PHC2: variants seen among roughly 807,000 people sequenced by gnomAD.
The protein encoded by PHC2 is polyhomeotic-like protein 2.
PHC2 carries 29 observed loss-of-function variants against 87.4 expected under a neutral mutation model. The observed-to-expected ratio is 0.33, with a 90% CI of 0.25 to 0.45. The LOEUF is 0.45. Among genes scored for constraint, PHC2 ranks in the 20% least tolerant of loss-of-function variants. PHC2 has a pLI of 1.00. For synonymous variants in PHC2, 438 were observed against 461.7 expected, an observed-to-expected ratio of 0.95 and a Z score of 0.66; for missense variants, 857 against 1,136.7, an observed-to-expected ratio of 0.75 and a Z score of 3.54.
At chr1:33,328,780 A>G (rs2148187228) in intron 14 of PHC2, 90 bp downstream of exon 14, 1 of 1,323,072 alleles carries the variant, frequency 7.6e-7, no homozygotes, top group African/African-American at 1.5e-5. Flanking sequence ...GTCATTAACT[A>G]AACTACCTAA....
At chr1:33,415,962 G>A (rs1419003681) in intron 1 of PHC2, among the ~76,000 whole-genome samples, 2 of 149,608 alleles carry the variant, frequency 1.3e-5, no homozygotes, top group African/African-American at 4.9e-5. Context: ...CCCAAAATGA[G>A]GCACAGAGAC....
chr1:33,387,910 C>CTAT (rs1467678458), intron 1 of PHC2, among the ~76,000 whole-genome samples: 4 of 152,230 alleles, frequency 2.6e-5, no homozygotes, highest in African/African-American at 9.7e-5. Context: ...TCAGGCCCTG[C>CTAT]CTGGTATCCC....
intron 1 of PHC2, among the ~76,000 whole-genome samples, chr1:33,395,989 T>C (rs1241150082): frequency 6.6e-6 from 1 of 152,222 alleles, no homozygotes; most frequent in East Asian, 1.9e-4. Context: ...GTAGGACACG[T>C]CATTTAACAT....
intron 1 of PHC2, among the ~76,000 whole-genome samples, chr1:33,385,467 C>T (rs369012642): frequency 1.3e-4 from 20 of 152,214 alleles, no homozygotes; most frequent in African/African-American, 3.9e-4. Flanking sequence ...AACCTTTCTG[C>T]GCCTCATTTG....
At chr1:33,325,976 G>A (rs1308037762) in intron 14 of PHC2, 3 of 442,736 alleles carry the variant, frequency 6.8e-6, no homozygotes, top group South Asian at 4.8e-5. Flanking sequence ...AGGAAAGTGA[G>A]GAAACTCTTA....
At chr1:33,343,585 A>G (rs1646789093) in intron 9 of PHC2, among the ~76,000 whole-genome samples, 1 of 152,166 alleles carries the variant, frequency 6.6e-6, no homozygotes, top group African/African-American at 2.4e-5. Flanking sequence ...TCTGTCTTAC[A>G]TATAGCTGTG....
chr1:33,397,957 G>T (rs1267259380), intron 1 of PHC2, among the ~76,000 whole-genome samples: 1 of 151,990 alleles, frequency 6.6e-6, no homozygotes, highest in Non-Finnish European at 1.5e-5. Flanking sequence ...GAATCTTTTG[G>T]ACTTTGTTCC....
At chr1:33,362,461 T>C (rs1024846485) in intron 7 of PHC2, among the ~76,000 whole-genome samples, 1 of 152,138 alleles carries the variant, frequency 6.6e-6, no homozygotes, top group African/African-American at 2.4e-5. Flanking sequence ...TGTCTATTTA[T>C]AGACAGCTGA....
At position 33,349,652 on chromosome 1, in the gene PHC2, G is replaced by C; in HGVS notation, c.1558+4749C>G. Reference sequence around the variant, plus strand: ...CGGGGCCTACGCAGCCCCTCGGCCGGGCGCCGACTCGCGCGGGGTCCCGGG... The same window carrying C: ...CGGGGCCTACGCAGCCCCTCGGCCGCGCGCCGACTCGCGCGGGGTCCCGGG... On this transcript the variant is annotated intron_variant, in intron 9 of 14. Coordinates refer to ENST00000683057, the MANE Select transcript of PHC2 (RefSeq NM_001385109.1). The surrounding 1 kb of genome is among the most constrained non-coding windows in gnomAD (Gnocchi z 4.2). 1 of 983,108 alleles carries C rather than the reference G, an allele frequency of 1.0e-6. No homozygotes were observed. Among genetic ancestry groups the C allele is most frequent in the Non-Finnish European group, 1.2e-6 (1 of 829,320 alleles). 60.9% of individuals were successfully genotyped at this position (983,108 alleles called of 1,614,324 possible). A position where few individuals can be genotyped will look rare whatever the true frequency, so the allele number is the denominator to read the frequency against.
chr1:33,427,176 C>G (rs1286722896), intron 1 of PHC2, among the ~76,000 whole-genome samples: 1 of 152,148 alleles, frequency 6.6e-6, no homozygotes, highest in African/African-American at 2.4e-5. Flanking sequence ...TGGTTATAAT[C>G]TGGTGCTGGG....
intron 1 of PHC2, among the ~76,000 whole-genome samples, 154 bp downstream of exon 1, chr1:33,430,822 C>T (rs1214032508): frequency 6.7e-6 from 1 of 150,182 alleles, no homozygotes; most frequent in Non-Finnish European, 1.5e-5. Context: ...ATGGCAATGC[C>T]CCGCCCCGCG....
At chr1:33,373,904 T>C (rs1648009888) in intron 2 of PHC2, among the ~76,000 whole-genome samples, 1 of 152,084 alleles carries the variant, frequency 6.6e-6, no homozygotes, top group Non-Finnish European at 1.5e-5. Context: ...AGCCTCTGGC[T>C]CAGATTTGGG....
At chr1:33,353,582 G>C (rs1406936740) in intron 9 of PHC2, 1 of 152,122 alleles carries the variant, frequency 6.6e-6, no homozygotes, top group African/African-American at 2.4e-5. Flanking sequence ...TTGTGCTAAG[G>C]TATTTTTTTC....
intron 1 of PHC2, among the ~76,000 whole-genome samples, chr1:33,399,208 A>G (rs559243885): frequency 6.6e-6 from 1 of 152,300 alleles, no homozygotes; most frequent in African/African-American, 2.4e-5. Flanking sequence ...TCTTTAAAGC[A>G]GAAAGAACAA....
chr1:33,332,309 G>A lies in PHC2; in HGVS notation c.1857C>T (p.Thr619=), dbSNP rs766895024. The change falls in exon 11 of 15, where the codon ACC becomes ACT. Residue 619 remains threonine, a synonymous_variant. Transcript: ENST00000683057. The surrounding 1 kb of genome is among the most constrained non-coding windows in gnomAD (Gnocchi z 4.2). ...EKLPQQDHTT[T]TDSEMEEPYL... ...AGGGCTCCTCCATCTCCGAGTCAGT[G>A]GTGGTGGTGTGATCCTGCTGTGGAA... The A allele has an allele frequency of 6.2e-7, 1 of 1,614,032 alleles. No homozygotes were observed. Among genetic ancestry groups the A allele is most frequent in the East Asian group, 2.2e-5 (1 of 44,882 alleles).
At chr1:33,356,503 C>G (rs1647089787) in intron 7 of PHC2, among the ~76,000 whole-genome samples, 8 of 149,846 alleles carry the variant, frequency 5.3e-5, no homozygotes, top group South Asian at 2.1e-4. Flanking sequence ...TCTTAACGAG[C>G]ATGCTGCCTT....
Position 33,334,091 on chromosome 1 carries a change from G to A in PHC2, c.1760C>T (p.Pro587Leu), listed in dbSNP as rs771315460. The change falls in exon 10 of 15, where the codon CCG (proline) becomes CTG (leucine). Residue 587 changes from proline to leucine, a missense_variant and splice_region_variant. Pro to Leu is a moderately conservative substitution (Grantham distance 98). Transcript: ENST00000683057. The surrounding 1 kb of genome is among the most constrained non-coding windows in gnomAD (Gnocchi z 5.5). ...FVIQEGAEPF[P>L]VGRSSLLVGN... The stretch of plus-strand genomic sequence containing the variant: ...AAGGGGAAAAGAAGTAGTCCGTACC[G>A]GGAAAGGCTCCGCCCCCTCCTGGAT... The A allele has an allele frequency of 5.0e-6, 8 of 1,600,856 alleles. No homozygotes were observed. The highest frequency in any genetic ancestry group is 2.7e-5 in the African/African-American group (2 of 73,792).
chr1:33,409,281 C>A (rs1252545114), intron 1 of PHC2, among the ~76,000 whole-genome samples: 1 of 151,858 alleles, frequency 6.6e-6, no homozygotes, highest in Non-Finnish European at 1.5e-5. Context: ...ATTTAAAATC[C>A]CATTGGTAAG....
chr1:33,420,710 A>C (rs1650400182), intron 1 of PHC2, among the ~76,000 whole-genome samples: 1 of 152,052 alleles, frequency 6.6e-6, no homozygotes, highest in Non-Finnish European at 1.5e-5. Flanking sequence ...CTTGGGCTCA[A>C]GTGATCCTCC....
Sources: allele counts gnomAD v4.1 joint callset (sites outside exome capture counted in the v4.1 genomes callset), GRCh38; gene constraint gnomAD v4.1.1; non-coding constraint Gnocchi (gnomAD v3.1); transcripts MANE v1.5; gene names NCBI Gene and HGNC (gene_info 2026-07-23, HGNC 2026-07-21).